Variants in SORCS3 observed in about 807,000 individuals in gnomAD.
SORCS3 encodes VPS10 domain-containing receptor SorCS3.
SORCS3 carries 57 observed loss-of-function variants against 146.3 expected under a neutral mutation model. The ratio of observed to expected loss-of-function variants is 0.39; its 90% CI spans 0.31 to 0.49. The LOEUF (loss-of-function observed/expected upper bound fraction) is 0.49. SORCS3 is among the 20% of genes least tolerant of loss of function. The probability of loss-of-function intolerance (pLI) is 0.92; values close to 1 mark genes in which losing one functional copy is unlikely to be tolerated. For missense variants in SORCS3, 1,341 were observed against 1,575.5 expected, an observed-to-expected ratio of 0.85 and a Z score of 2.52; for synonymous variants, 653 against 618.5, an observed-to-expected ratio of 1.06 and a Z score of -0.83.
At chr10:104,861,330 G>A (rs2018398691) in intron 2 of SORCS3, among the ~76,000 whole-genome samples, 1 of 152,148 alleles carries the variant, frequency 6.6e-6, no homozygotes, top group Non-Finnish European at 1.5e-5. Flanking sequence ...CTGTGCACTT[G>A]AGGCAGTAAC....
intron 5 of SORCS3, among the ~76,000 whole-genome samples, chr10:105,074,467 G>T (rs900874201): frequency 1.3e-5 from 2 of 152,236 alleles, no homozygotes; most frequent in East Asian, 1.9e-4. Context: ...TTCAAGAAAC[G>T]TGTAGTCTAG....
chr10:104,879,293 T>A (rs2018608141), intron 2 of SORCS3, among the ~76,000 whole-genome samples: 1 of 152,174 alleles, frequency 6.6e-6, no homozygotes, highest in African/African-American at 2.4e-5. Context: ...CCTTGCTTTT[T>A]TCAGCTGTTA....
At chr10:105,262,920 T>C (rs1589717003) in intron 26 of SORCS3, among the ~76,000 whole-genome samples, 1 of 152,342 alleles carries the variant, frequency 6.6e-6, no homozygotes, top group East Asian at 1.9e-4. Flanking sequence ...ATGGGAGTAG[T>C]AGTACTTATG....
chr10:105,022,957 TAA>T (rs2055206662), intron 4 of SORCS3, among the ~76,000 whole-genome samples: 2 of 151,942 alleles, frequency 1.3e-5, no homozygotes, highest in African/African-American at 4.8e-5. Context: ...TAAAAAAAAA[TAA>T]GAGTGGGAGG....
At chr10:105,152,170 C>G (rs1237127509) in intron 9 of SORCS3, among the ~76,000 whole-genome samples, 2 of 152,168 alleles carry the variant, frequency 1.3e-5, no homozygotes, top group Non-Finnish European at 2.9e-5. Context: ...CTTCAATGCT[C>G]TCCTGGATAT....
chr10:105,234,060 G>A (rs2056779421), intron 20 of SORCS3, among the ~76,000 whole-genome samples: 2 of 152,074 alleles, frequency 1.3e-5, no homozygotes, highest in South Asian at 4.2e-4. Flanking sequence ...TTGCAAAACA[G>A]ATCTACTGAC....
At position 105,064,988 on chromosome 10, in the gene SORCS3, G is replaced by A. The variant is rs145889430; in HGVS notation, c.1028+21860G>A. On this transcript the variant is annotated intron_variant, in intron 5 of 26. Transcript: ENST00000369701. ...CATAGTGTATATATGACAGGGAACCGGAACCTAACCTAGTCAGATATATAA... is the reference window on the plus strand; with the variant it reads ...CATAGTGTATATATGACAGGGAACCAGAACCTAACCTAGTCAGATATATAA... Among the ~76,000 whole-genome samples the A allele has an allele frequency of 5.3e-5, 8 of 152,288 alleles. No individual in the cohort carries two copies. In the East Asian group the frequency reaches 1.2e-3, roughly 22 times the overall value.
At chr10:105,195,398 A>G (rs954350856) in intron 14 of SORCS3, among the ~76,000 whole-genome samples, 4 of 152,200 alleles carry the variant, frequency 2.6e-5, no homozygotes, top group Non-Finnish European at 4.4e-5. Context: ...AGTGATGGAC[A>G]TGGTTTATGA....
intron 16 of SORCS3, 56 bp downstream of exon 16, chr10:105,201,309 G>T: frequency 6.4e-7 from 1 of 1,552,366 alleles, no homozygotes; most frequent in South Asian, 1.2e-5. Flanking sequence ...CTGTCTGTGG[G>T]GTGGGGTGGG....
chr10:104,671,825 A>G (rs929053147), intron 1 of SORCS3, among the ~76,000 whole-genome samples: 2 of 152,064 alleles, frequency 1.3e-5, no homozygotes, highest in Admixed American at 1.3e-4. Context: ...AATAAATACC[A>G]CTTGTCATGG....
intron 1 of SORCS3, among the ~76,000 whole-genome samples, chr10:104,722,057 G>C (rs1241207098): frequency 3.3e-5 from 5 of 152,288 alleles, no homozygotes; most frequent in African/African-American, 1.2e-4. Flanking sequence ...TCTTGTGCCA[G>C]TTTTCAAAGG....
chr10:105,145,264 T>C (rs1372657853), intron 8 of SORCS3, among the ~76,000 whole-genome samples: 1 of 152,184 alleles, frequency 6.6e-6, no homozygotes. Flanking sequence ...TGTAGGTTTA[T>C]ATCTTAGTAA....
intron 1 of SORCS3, among the ~76,000 whole-genome samples, chr10:104,730,993 A>G (rs757939642): frequency 4.6e-5 from 7 of 152,198 alleles, no homozygotes; most frequent in Non-Finnish European, 8.8e-5. Context: ...GGATCACCCT[A>G]TGGTCTGGGG....
chr10:104,688,489 T>C (rs1413894167), intron 1 of SORCS3, among the ~76,000 whole-genome samples: 1 of 152,196 alleles, frequency 6.6e-6, no homozygotes, highest in Non-Finnish European at 1.5e-5. Context: ...TAGCAGCGTG[T>C]GTGGATACGT....
intron 1 of SORCS3, among the ~76,000 whole-genome samples, chr10:104,832,899 A>G (rs1349734282): frequency 6.6e-6 from 1 of 152,124 alleles, no homozygotes; most frequent in East Asian, 1.9e-4. Context: ...CATCACTCAC[A>G]CTTTTCATTG....
chr10:105,158,962 A>G lies in SORCS3; in HGVS notation c.1700A>G (p.Lys567Arg). 1 of 1,613,056 alleles carries G rather than the reference A, an allele frequency of 6.2e-7. No individual in the cohort carries two copies. The highest frequency in any genetic ancestry group is 8.5e-7 in the Non-Finnish European group (1 of 1,179,164). ...TATTCCTCAGGAAGAATCTCTAGCA[A>G]GGAGACAGCCCCAGGACTTGTGGTG... ...NPYSSGRISSKETAPGLVVAT... is the reference protein window; with the variant it reads ...NPYSSGRISSRETAPGLVVAT... Residue 567 changes from lysine to arginine, a missense_variant, in exon 11 of 27, where the codon AAG (lysine) becomes AGG (arginine). Coordinates refer to ENST00000369701, the MANE Select transcript of SORCS3 (RefSeq NM_014978.3).
chr10:104,875,198 C>T (rs929741141), intron 2 of SORCS3, among the ~76,000 whole-genome samples: 20 of 152,158 alleles, frequency 1.3e-4, no homozygotes, highest in Non-Finnish European at 1.6e-4. Context: ...TAGATATTTC[C>T]AAGCCAAGAG....
At chr10:105,141,599 G>T (rs933499426) in intron 8 of SORCS3, among the ~76,000 whole-genome samples, 6 of 152,102 alleles carry the variant, frequency 3.9e-5, no homozygotes, top group Admixed American at 1.3e-4. Context: ...TGCTCTCCTG[G>T]GGTACTCCAT....
At chr10:105,236,394 T>C (rs990075041) in intron 20 of SORCS3, among the ~76,000 whole-genome samples, 1 of 152,150 alleles carries the variant, frequency 6.6e-6, no homozygotes, top group African/African-American at 2.4e-5. Context: ...GACCAGCAGA[T>C]ATACATAGTG....
Sources: gnomAD v4.1 joint callset for allele counts (sites outside exome capture counted in the v4.1 genomes callset) on GRCh38, gnomAD v4.1.1 for gene constraint, MANE v1.5 for transcripts, NCBI Gene and HGNC (gene_info 2026-07-23, HGNC 2026-07-21) for gene names.